Variants in CAPZA1 observed in about 807,000 individuals in gnomAD.
The protein encoded by CAPZA1 is F-actin-capping protein subunit alpha-1.
In CAPZA1, 10 loss-of-function variants were observed where a neutral mutation model predicts 40.8. That is an observed-to-expected ratio of 0.25 (90% CI 0.15 to 0.42). The LOEUF is 0.42. CAPZA1 is among the 10% of genes least tolerant of loss of function. The pLI is 1.00. For missense variants in CAPZA1, 277 were observed against 353.8 expected (o/e 0.78, Z 1.74); for synonymous variants, 98 against 115.0 (o/e 0.85, Z 0.95).
At chr1:112,647,415 TC>T (rs1380454489) in intron 2 of CAPZA1, 142 bp downstream of exon 2, 27 of 442,708 alleles carry the variant, frequency 6.1e-5, no homozygotes, top group Non-Finnish European at 9.8e-5. Flanking sequence ...TTGTCCAAGG[TC>T]CCCCAGTTAG....
intron 1 of CAPZA1, among the ~76,000 whole-genome samples, chr1:112,636,133 T>A (rs1005581112): frequency 2.0e-5 from 3 of 152,216 alleles, no homozygotes; most frequent in Admixed American, 1.3e-4. Context: ...TTTTATAAAT[T>A]CCTTAGGACA....
intron 1 of CAPZA1, among the ~76,000 whole-genome samples, chr1:112,632,041 A>C (rs568153062): frequency 1.3e-5 from 2 of 152,236 alleles, no homozygotes; most frequent in Non-Finnish European, 2.9e-5. Flanking sequence ...GTGGTGGCTC[A>C]TGCCCGTAAT....
intron 1 of CAPZA1, among the ~76,000 whole-genome samples, chr1:112,630,853 A>C (rs145289267): frequency 6.6e-6 from 1 of 152,362 alleles, no homozygotes; most frequent in Non-Finnish European, 1.5e-5. Flanking sequence ...TAACAGTGGT[A>C]AAGTATACAG....
chr1:112,627,803 A>G (rs1475860674), intron 1 of CAPZA1, among the ~76,000 whole-genome samples: 4 of 152,058 alleles, frequency 2.6e-5, no homozygotes, highest in Admixed American at 2.0e-4. Context: ...TCTACTAAAA[A>G]TACAAAATTA....
At chr1:112,659,870 T>C in intron 7 of CAPZA1, 91 bp downstream of exon 7, 2 of 920,676 alleles carry the variant, frequency 2.2e-6, no homozygotes, top group East Asian at 2.6e-5. Context: ...CAAGTATGTG[T>C]AGATGCAAAG....
intron 4 of CAPZA1, among the ~76,000 whole-genome samples, chr1:112,654,004 T>C (rs1206352945): frequency 6.6e-6 from 1 of 152,210 alleles, no homozygotes; most frequent in Non-Finnish European, 1.5e-5. Context: ...TACTTATTTA[T>C]TACTTTAGGA....
chr1:112,629,860 C>A (rs1445731903), intron 1 of CAPZA1, among the ~76,000 whole-genome samples: 1 of 151,784 alleles, frequency 6.6e-6, no homozygotes, highest in Non-Finnish European at 1.5e-5. Context: ...CTCATAGTGC[C>A]CTCCCTTTCC....
At chr1:112,636,119 A>G (rs1171073621) in intron 1 of CAPZA1, among the ~76,000 whole-genome samples, 1 of 152,252 alleles carries the variant, frequency 6.6e-6, no homozygotes, top group Non-Finnish European at 1.5e-5. Context: ...CTAATAAGCT[A>G]CAGTTTTATA....
intron 7 of CAPZA1, among the ~76,000 whole-genome samples, chr1:112,665,390 G>A (rs1285902304): frequency 6.6e-6 from 1 of 151,916 alleles, no homozygotes; most frequent in African/African-American, 2.4e-5. Flanking sequence ...GTGTTGGCCA[G>A]GCTGGTTTCG....
chr1:112,625,782 G>C (rs1362665244), intron 1 of CAPZA1: 1 of 152,166 alleles, frequency 6.6e-6, no homozygotes, highest in African/African-American at 2.4e-5. Context: ...CTTACTCTGT[G>C]GCCCTCCAGA....
At chr1:112,636,704 C>T (rs1460241127) in intron 1 of CAPZA1, among the ~76,000 whole-genome samples, 1 of 152,050 alleles carries the variant, frequency 6.6e-6, no homozygotes, top group Admixed American at 6.5e-5. Flanking sequence ...AGCTGACATA[C>T]CTCCCCTTTA....
At chr1:112,669,002 C>G (rs1287551083) in intron 8 of CAPZA1, among the ~76,000 whole-genome samples, 1 of 152,168 alleles carries the variant, frequency 6.6e-6, no homozygotes, top group Non-Finnish European at 1.5e-5. Context: ...TTCTGTTGTA[C>G]TTAATGGTAA....
At chr1:112,669,239 A>G (rs1411484476) in intron 8 of CAPZA1, among the ~76,000 whole-genome samples, 1 of 152,252 alleles carries the variant, frequency 6.6e-6, no homozygotes, top group Non-Finnish European at 1.5e-5. Flanking sequence ...GAGTGGAAAC[A>G]GCATGGGTTT....
At chr1:112,666,334 A>T (rs1183141478) in intron 7 of CAPZA1, among the ~76,000 whole-genome samples, 1 of 152,144 alleles carries the variant, frequency 6.6e-6, no homozygotes, top group East Asian at 1.9e-4. Context: ...TGTTTTCAAG[A>T]TCCTATTCAA....
At chr1:112,660,570 G>GTAA (rs1671586591) in intron 7 of CAPZA1, among the ~76,000 whole-genome samples, 1 of 152,066 alleles carries the variant, frequency 6.6e-6, no homozygotes, top group African/African-American at 2.4e-5. Context: ...GTGAGCCACT[G>GTAA]CACCTGGCCC....
intron 1 of CAPZA1, among the ~76,000 whole-genome samples, chr1:112,630,011 G>A (rs1333801089): frequency 6.6e-6 from 1 of 152,036 alleles, no homozygotes; most frequent in Non-Finnish European, 1.5e-5. Context: ...TGCTTTGGCA[G>A]TTTTGCTGCT....
At chr1:112,639,324 T>G (rs1402689166) in intron 1 of CAPZA1, among the ~76,000 whole-genome samples, 2 of 152,190 alleles carry the variant, frequency 1.3e-5, no homozygotes, top group African/African-American at 2.4e-5. Context: ...AATTGGATAT[T>G]TCTCCTGTTC....
Position 112,635,769 on chromosome 1 carries a change from C to T in CAPZA1, c.40-11441C>T, listed in dbSNP as rs192687672. On this transcript the variant is annotated intron_variant, in intron 1 of 9. Coordinates refer to ENST00000263168, the MANE Select transcript of CAPZA1 (RefSeq NM_006135.3). ...AGTGATGGCTGGGCTTAGTGGCTCA[C>T]GCCTGTAATCCCAGCACTTTAGGAG... is the stretch of plus-strand genomic sequence containing the variant. Among the ~76,000 whole-genome samples the T allele has an allele frequency of 7.6e-3, 1,164 of 152,236 alleles. 17 individuals are homozygous for T. The highest frequency in any genetic ancestry group is 0.027 in the African/African-American group (1,103 of 41,552).
At chr1:112,655,354 G>A (rs962162136) in intron 5 of CAPZA1, among the ~76,000 whole-genome samples, 2 of 152,068 alleles carry the variant, frequency 1.3e-5, no homozygotes, top group African/African-American at 4.8e-5. Flanking sequence ...GTGCACACCT[G>A]TAGTTTCAGC....
Sources: allele counts gnomAD v4.1 joint callset (sites outside exome capture counted in the v4.1 genomes callset), GRCh38; gene constraint gnomAD v4.1.1; transcripts MANE v1.5; gene names NCBI Gene and HGNC (gene_info 2026-07-23, HGNC 2026-07-21).